Variants in TTC7B observed in about 807,000 individuals in gnomAD.
TTC7B encodes the protein tetratricopeptide repeat domain 7B, also known as tetratricopeptide repeat protein 7B.
TTC7B carries 28 observed loss-of-function variants against 106.8 expected under a neutral mutation model. The ratio of observed to expected loss-of-function variants is 0.26; its 90% CI spans 0.19 to 0.36. TTC7B has a LOEUF of 0.36. TTC7B is among the 10% of genes least tolerant of loss of function. The pLI, the probability that TTC7B is intolerant of heterozygous loss-of-function variation, is 1.00. For missense variants in TTC7B, 862 were observed against 1,076.4 expected (o/e 0.80, Z 2.79); for synonymous variants, 405 against 430.6 (o/e 0.94, Z 0.74).
At chr14:90,571,039 G>C (rs1257644189) in intron 19 of TTC7B, among the ~76,000 whole-genome samples, 4 of 151,498 alleles carry the variant, frequency 2.6e-5, no homozygotes, top group African/African-American at 9.8e-5. Flanking sequence ...CGACTTTCTT[G>C]TTCTGCTTCT....
At chr14:90,556,424 G>T (rs1037889436) in intron 19 of TTC7B, among the ~76,000 whole-genome samples, 7 of 152,114 alleles carry the variant, frequency 4.6e-5, no homozygotes, top group Non-Finnish European at 8.8e-5. Flanking sequence ...GGGTCCTGCT[G>T]CTGGGGGGCC....
intron 17 of TTC7B, chr14:90,602,166 C>T: frequency 2.2e-6 from 1 of 456,096 alleles, no homozygotes; most frequent in South Asian, 1.5e-5. Flanking sequence ...TATCCACCAG[C>T]ATTTCCCCAA....
chr14:90,658,873 G>C (rs905177349), intron 9 of TTC7B, among the ~76,000 whole-genome samples: 2 of 152,216 alleles, frequency 1.3e-5, no homozygotes, highest in Non-Finnish European at 2.9e-5. Flanking sequence ...GCCTGCCGTG[G>C]TGAGTAATCT....
rs994188021 is a variant in TTC7B, at chr14:90,575,447, G to A, written c.2310+2659C>T. Among the ~76,000 whole-genome samples the A allele has an allele frequency of 1.6e-4, 24 of 152,150 alleles. No homozygotes were observed. The highest frequency in any genetic ancestry group is 5.1e-4 in the African/African-American group (21 of 41,430). ...GACCCCCTTCCTCCCTTCCTCCATC[G>A]AAGGGCACAGAAACACAGCTTCCCT... On this transcript the variant is annotated intron_variant, in intron 19 of 19. Transcript: ENST00000328459. This position sits in a 1 kb window ranked among gnomAD's most constrained non-coding sequence, Gnocchi z 5.2.
At chr14:90,701,706 A>G (rs377349402) in intron 5 of TTC7B, among the ~76,000 whole-genome samples, 3,878 of 151,366 alleles carry the variant, frequency 0.026, 89 homozygotes, top group Non-Finnish European at 0.036. Flanking sequence ...ATATATATAT[A>G]TATACACACA....
intron 3 of TTC7B, chr14:90,766,908 C>T (rs1283346996): frequency 1.9e-6 from 3 of 1,552,838 alleles, no homozygotes; most frequent in Non-Finnish European, 2.7e-6. Context: ...TGTGCCACTC[C>T]TGGGGCCTTC....
At chr14:90,638,501 A>C (rs1885039407) in intron 15 of TTC7B, among the ~76,000 whole-genome samples, 1 of 152,188 alleles carries the variant, frequency 6.6e-6, no homozygotes, top group African/African-American at 2.4e-5. Flanking sequence ...AAGCATGAAA[A>C]ATTTTTTCAG....
At chr14:90,594,455 AGAGGC>A (rs1488405206) in intron 17 of TTC7B, among the ~76,000 whole-genome samples, 1 of 152,192 alleles carries the variant, frequency 6.6e-6, no homozygotes. Context: ...CTCCTTAAAC[AGAGGC>A]TTGCTTCCCA....
rs1891230130 is a variant in TTC7B, at chr14:90,575,584, G to A, written c.2310+2522C>T. On this transcript the variant is annotated intron_variant, in intron 19 of 19. Transcript: ENST00000328459. The surrounding 1 kb of genome is among the most constrained non-coding windows in gnomAD (Gnocchi z 5.2). ...GGCACCAGAGGGTCCTGCAGCACCAGTGGGAGGGGGGCCTGCCCTTGGCTG... is the reference window on the plus strand; with the variant it reads ...GGCACCAGAGGGTCCTGCAGCACCAATGGGAGGGGGGCCTGCCCTTGGCTG... Among the ~76,000 whole-genome samples, 1 of 152,230 alleles carries A rather than the reference G, an allele frequency of 6.6e-6. No homozygotes were observed. The highest frequency in any genetic ancestry group is 1.5e-5 in the Non-Finnish European group (1 of 68,040).
intron 9 of TTC7B, 95 bp downstream of exon 9, chr14:90,676,428 A>AG: frequency 1.4e-6 from 2 of 1,445,396 alleles, no homozygotes; most frequent in Admixed American, 2.0e-5. Context: ...CCACTAATAG[A>AG]GGGGGGCCCA....
At chr14:90,763,218 G>C (rs773553085) in intron 3 of TTC7B, among the ~76,000 whole-genome samples, 3 of 152,128 alleles carry the variant, frequency 2.0e-5, no homozygotes, top group Non-Finnish European at 4.4e-5. Context: ...AGGAATGCAA[G>C]GTTGGTTTAA....
intron 2 of TTC7B, among the ~76,000 whole-genome samples, chr14:90,785,515 G>A (rs1891356633): frequency 1.3e-5 from 2 of 152,062 alleles, no homozygotes; most frequent in African/African-American, 4.8e-5. Flanking sequence ...AGGGCAGGGC[G>A]GGAAGAGGAG....
At chr14:90,658,014 G>A (rs983236106) in intron 10 of TTC7B, 1 of 407,204 alleles carries the variant, frequency 2.5e-6, no homozygotes, top group Non-Finnish European at 4.6e-6. Flanking sequence ...ATGAGTGGAG[G>A]TGTCTGTGTA....
intron 18 of TTC7B, among the ~76,000 whole-genome samples, chr14:90,582,759 G>T (rs1413152565): frequency 6.6e-6 from 1 of 152,188 alleles, no homozygotes; most frequent in Non-Finnish European, 1.5e-5. Context: ...ATTTCACCAT[G>T]GCCCCTTAAG....
chr14:90,618,053 G>C lies in TTC7B; in HGVS notation c.1752-8C>G. ...ACTTTGGAAAACAGTAGTCTGCAGT[G>C]GGGAGACAAAGGGAGAAAACACCAC... is the stretch of plus-strand genomic sequence containing the variant. On this transcript the variant is annotated splice_region_variant and splice_polypyrimidine_tract_variant and intron_variant, in intron 15 of 19. Coordinates refer to ENST00000328459, the MANE Select transcript of TTC7B (RefSeq NM_001010854.2). The C allele has an allele frequency of 6.2e-7, 1 of 1,603,506 alleles. No homozygotes were observed. The highest frequency in any genetic ancestry group is 1.1e-5 in the South Asian group (1 of 90,858).
rs960300467 is a variant in TTC7B at position 90,600,260 on chromosome 14, G to C, written c.1967-6634C>G. On this transcript the variant is annotated intron_variant, in intron 17 of 19. Transcript: ENST00000328459. This position sits in a 1 kb window ranked among gnomAD's most constrained non-coding sequence, Gnocchi z 4.3. The stretch of plus-strand genomic sequence containing the variant: ...TAGGACAATTCCCATCTTTGCTGTA[G>C]GGTAGTCCTGCTTTCTGAGGAGGCG... Among the ~76,000 whole-genome samples the C allele has an allele frequency of 2.6e-5, 4 of 152,194 alleles. No individual in the cohort carries two copies.
intron 3 of TTC7B, among the ~76,000 whole-genome samples, chr14:90,760,418 A>C (rs1024884084): frequency 6.6e-6 from 1 of 152,198 alleles, no homozygotes; most frequent in Admixed American, 6.5e-5. Flanking sequence ...AGATTCAAGC[A>C]ATAAGGGAGA....
At chr14:90,639,378 G>A (rs1885071978) in intron 15 of TTC7B, among the ~76,000 whole-genome samples, 1 of 152,068 alleles carries the variant, frequency 6.6e-6, no homozygotes, top group South Asian at 2.1e-4. Flanking sequence ...TAAAAAAGAA[G>A]GAATTTCACA....
chr14:90,770,291 T>A (rs990253127), intron 3 of TTC7B, among the ~76,000 whole-genome samples: 1 of 152,134 alleles, frequency 6.6e-6, no homozygotes. Flanking sequence ...AATTCACACA[T>A]TGAATTGAAG....
Sources: gnomAD v4.1 joint callset for allele counts (sites outside exome capture counted in the v4.1 genomes callset) on GRCh38, gnomAD v4.1.1 for gene constraint, Gnocchi (gnomAD v3.1) non-coding constraint, MANE v1.5 for transcripts, NCBI Gene and HGNC (gene_info 2026-07-23, HGNC 2026-07-21) for gene names.